RBPJ: variants seen among roughly 807,000 people sequenced by gnomAD.
RBPJ encodes recombination signal binding protein for immunoglobulin kappa J region, also known as recombining binding protein suppressor of hairless.
A neutral mutation model predicts 67.8 loss-of-function variants in RBPJ; 9 were observed. The ratio of observed to expected loss-of-function variants is 0.13; its 90% confidence interval spans 0.08 to 0.23. RBPJ has a LOEUF of 0.23. Ranked by LOEUF, RBPJ falls within the 10% of genes least tolerant of loss-of-function variation. RBPJ has a pLI of 1.00. For synonymous variants in RBPJ, 198 were observed against 203.3 expected (o/e 0.97, Z 0.22); for missense variants, 305 against 595.6 (o/e 0.51, Z 5.08).
chr4:26,178,512 G>A, intron 1 of RBPJ, among the ~76,000 whole-genome samples: 1 of 151,464 alleles, frequency 6.6e-6, no homozygotes, highest in Non-Finnish European at 1.5e-5. Flanking sequence ...GGAGGCTGAG[G>A]TGGGAGGACT....
chr4:26,257,132 T>C (rs746679422), intron 1 of RBPJ, among the ~76,000 whole-genome samples: 10 of 152,230 alleles, frequency 6.6e-5, no homozygotes, highest in Non-Finnish European at 1.3e-4. Context: ...TCAGGTACTA[T>C]ACTATATGTA....
chr4:26,144,259 A>G, the RBPJ span, among the ~76,000 whole-genome samples: 3 of 141,034 alleles, frequency 2.1e-5, no homozygotes, highest in Admixed American at 2.5e-4. Flanking sequence ...AGAGGGAGTA[A>G]GAAAATTCTT....
At chr4:26,179,798 C>T (rs1198596481) in intron 1 of RBPJ, among the ~76,000 whole-genome samples, 1 of 152,108 alleles carries the variant, frequency 6.6e-6, no homozygotes, top group Non-Finnish European at 1.5e-5. Flanking sequence ...AGCATTCAAC[C>T]CAGCAATACC....
chr4:26,207,557 G>A (rs1718212978), intron 1 of RBPJ, among the ~76,000 whole-genome samples: 1 of 152,160 alleles, frequency 6.6e-6, no homozygotes, highest in South Asian at 2.1e-4. Flanking sequence ...TGTGAGCTAA[G>A]GATAAAGATG....
the RBPJ span, chr4:26,113,040 A>G: frequency 6.3e-6 from 1 of 157,974 alleles, no homozygotes; most frequent in African/African-American, 2.4e-5. Flanking sequence ...AGTGTGAGCC[A>G]CCGTGCCCAA....
At chr4:26,395,950 G>C (rs563227646) in intron 2 of RBPJ, among the ~76,000 whole-genome samples, 1 of 152,218 alleles carries the variant, frequency 6.6e-6, no homozygotes, top group East Asian at 1.9e-4. Flanking sequence ...GTCTCCTCTG[G>C]ATTATGGTTA....
Position 26,220,390 on chromosome 4 carries a change from T to C in RBPJ, c.-167+56776T>C, listed in dbSNP as rs556231999. Among the ~76,000 whole-genome samples the C allele has an allele frequency of 5.3e-4, 81 of 152,322 alleles. 3 individuals carry two copies. In the South Asian group the frequency reaches 0.013, roughly 25 times the overall value. ...TAGGTTTCAAAGGCACCAAAATGTA[T>C]CTTATACTGCAACATAAAATTTGTT... is the stretch of plus-strand genomic sequence containing the variant. On this transcript the variant is annotated intron_variant, in intron 1 of 4. Transcript: ENST00000512351.
At chr4:26,390,698 T>C (rs192802718) in intron 2 of RBPJ, among the ~76,000 whole-genome samples, 2 of 152,296 alleles carry the variant, frequency 1.3e-5, no homozygotes, top group East Asian at 1.9e-4. Flanking sequence ...CACTGAAGAC[T>C]ACCAAACATT....
chr4:26,320,152 G>A (rs535616212), upstream of RBPJ, among the ~76,000 whole-genome samples: 9 of 152,336 alleles, frequency 5.9e-5, no homozygotes, highest in South Asian at 1.2e-3. Flanking sequence ...GCTTTGATCG[G>A]GTCCTCTGGG....
intron 1 of RBPJ, among the ~76,000 whole-genome samples, chr4:26,182,345 A>AAAACAAAC (rs568955718): frequency 4.4e-4 from 67 of 152,232 alleles, no homozygotes; most frequent in African/African-American, 1.6e-3. Flanking sequence ...CCGTCTCAAA[A>AAAACAAAC]AAACAAACAA....
intron 1 of RBPJ, among the ~76,000 whole-genome samples, chr4:26,325,124 G>A (rs140867469): frequency 2.2e-4 from 33 of 152,256 alleles, no homozygotes; most frequent in African/African-American, 7.0e-4. Flanking sequence ...CCAAAGCCAC[G>A]ATTCCTAATT....
At chr4:26,314,015 G>A (rs1409411558) in intron 1 of RBPJ, among the ~76,000 whole-genome samples, 1 of 152,088 alleles carries the variant, frequency 6.6e-6, no homozygotes, top group African/African-American at 2.4e-5. Flanking sequence ...GATAGACTGT[G>A]AGGAAAGCCA....
chr4:26,108,258 C>T, the RBPJ span, among the ~76,000 whole-genome samples: 1 of 152,176 alleles, frequency 6.6e-6, no homozygotes, highest in South Asian at 2.1e-4. Context: ...AGTGACAATT[C>T]TCCTTGAACC....
intron 3 of RBPJ, among the ~76,000 whole-genome samples, chr4:26,411,563 T>TAA (rs1478804541): frequency 2.4e-5 from 2 of 82,134 alleles, no homozygotes; most frequent in Non-Finnish European, 4.6e-5. Context: ...CTTTTTGAAA[T>TAA]AATTTAGAGT....
intron 2 of RBPJ, among the ~76,000 whole-genome samples, chr4:26,393,455 A>G (rs1160901820): frequency 1.3e-5 from 2 of 152,016 alleles, no homozygotes; most frequent in East Asian, 3.9e-4. Flanking sequence ...GCTGACTGCA[A>G]CCTCCGCCTC....
intron 1 of RBPJ, among the ~76,000 whole-genome samples, chr4:26,362,198 C>T (rs1728134993): frequency 6.6e-6 from 1 of 152,082 alleles, no homozygotes. Context: ...AATTTTTATT[C>T]CCTGAGAAGA....
chr4:26,335,319 C>G (rs1198703482), intron 1 of RBPJ, among the ~76,000 whole-genome samples: 1 of 151,840 alleles, frequency 6.6e-6, no homozygotes, highest in Non-Finnish European at 1.5e-5. Flanking sequence ...GTAGCTGGGA[C>G]TACAGGCGTG....
At chr4:26,206,806 G>C (rs1718186018) in intron 1 of RBPJ, among the ~76,000 whole-genome samples, 2 of 149,172 alleles carry the variant, frequency 1.3e-5, no homozygotes, top group African/African-American at 4.9e-5. Context: ...GGTTTTCGCA[G>C]TCACTACAAG....
At chr4:26,214,830 G>A (rs1248046503) in intron 1 of RBPJ, among the ~76,000 whole-genome samples, 3 of 114,500 alleles carry the variant, frequency 2.6e-5, no homozygotes, top group Admixed American at 1.9e-4. Context: ...AAAAGAGAAA[G>A]AAAGGAAGGA....
Sources: gnomAD v4.1 joint callset for allele counts (sites outside exome capture counted in the v4.1 genomes callset) on GRCh38, gnomAD v4.1.1 for gene constraint, MANE v1.5 for transcripts, NCBI Gene and HGNC (gene_info 2026-07-23, HGNC 2026-07-21) for gene names.